The following PRKN variants were observed in gnomAD, a reference collection of about 807,000 sequenced individuals.
PRKN encodes E3 ubiquitin-protein ligase parkin.
A neutral mutation model predicts 59.5 loss-of-function variants in PRKN; 56 were observed. The observed-to-expected ratio is 0.94, with a 90% CI of 0.76 to 1.18. The LOEUF (loss-of-function observed/expected upper bound fraction) is 1.18, where lower values mean the gene tolerates loss of function less well. PRKN is among the 50% of genes most tolerant of loss of function. The pLI is 0.00. For synonymous variants in PRKN, 250 were observed against 222.1 expected (o/e 1.13, Z -1.12); for missense variants, 657 against 596.4 (o/e 1.10, Z -1.06).
rs1017355820 is a variant in PRKN at position 161,634,266 on chromosome 6, G to A, written c.872-64850C>T. On this transcript the variant is annotated intron_variant, in intron 7 of 11. Coordinates refer to ENST00000366898, the MANE Select transcript of PRKN (RefSeq NM_004562.3). ...AGAATAGTAGACACCCCTGGTGAGC[G>A]TCCCCGCAGATGGGCTCAGTCCCCC... Among the ~76,000 whole-genome samples the A allele has an allele frequency of 2.9e-4, 44 of 152,258 alleles. 1 individual carries two copies. In the Middle Eastern group the frequency reaches 0.01, roughly 35 times the overall value.
chr6:162,189,547 A>G (rs1440038659), intron 4 of PRKN, among the ~76,000 whole-genome samples: 2 of 151,532 alleles, frequency 1.3e-5, no homozygotes, highest in Non-Finnish European at 2.9e-5. Flanking sequence ...AATAGTAATA[A>G]GAATAAAAAT....
intron 1 of PRKN, among the ~76,000 whole-genome samples, chr6:162,471,626 T>C (rs1791754332): frequency 6.6e-6 from 1 of 152,220 alleles, no homozygotes; most frequent in Non-Finnish European, 1.5e-5. Context: ...TTCTGAGTTT[T>C]TACACATTAA....
At chr6:161,849,150 C>T (rs916066582) in intron 6 of PRKN, among the ~76,000 whole-genome samples, 5 of 152,120 alleles carry the variant, frequency 3.3e-5, no homozygotes, top group African/African-American at 1.2e-4. Context: ...TCTCTACCTC[C>T]TCTTCCTTCT....
intron 7 of PRKN, among the ~76,000 whole-genome samples, chr6:161,745,046 G>A (rs1788357969): frequency 6.6e-6 from 1 of 152,162 alleles, no homozygotes; most frequent in Non-Finnish European, 1.5e-5. Context: ...AAGCAATGGA[G>A]CAGGATTGGA....
At chr6:161,710,082 C>T (rs1786674329) in intron 7 of PRKN, among the ~76,000 whole-genome samples, 1 of 149,956 alleles carries the variant, frequency 6.7e-6, no homozygotes. Context: ...ATATATTTGA[C>T]AACCAAAAAT....
chr6:162,530,888 C>T (rs1305525097), intron 1 of PRKN, among the ~76,000 whole-genome samples: 1 of 150,870 alleles, frequency 6.6e-6, no homozygotes, highest in African/African-American at 2.4e-5. Flanking sequence ...GAAACCCTGT[C>T]TCTACTAAAA....
In PRKN at chr6:161,560,250, A is replaced by G. The variant is rs1780408024; in HGVS notation, c.933+9105T>C. Among the ~76,000 whole-genome samples, 1 of 152,138 alleles carries G rather than the reference A, an allele frequency of 6.6e-6. No homozygotes were observed. Among genetic ancestry groups the G allele is most frequent in the Non-Finnish European group, 1.5e-5 (1 of 68,032 alleles). On this transcript the variant is annotated intron_variant, in intron 8 of 11. Transcript: ENST00000366898. The surrounding 1 kb of genome is among the most constrained non-coding windows in gnomAD (Gnocchi z 4.9). The stretch of plus-strand genomic sequence containing the variant: ...TTGAAAGGTTTCCCTGTCCACACTG[A>G]CTTAACTGAAACTGATCCATCTCCC...
At chr6:162,354,692 T>C (rs1461015769) in intron 2 of PRKN, among the ~76,000 whole-genome samples, 1 of 152,034 alleles carries the variant, frequency 6.6e-6, no homozygotes, top group Non-Finnish European at 1.5e-5. Context: ...ATATTTTCAG[T>C]TCCTTCCTCC....
At chr6:161,773,167 G>T (rs1789766562) in intron 7 of PRKN, among the ~76,000 whole-genome samples, 1 of 152,056 alleles carries the variant, frequency 6.6e-6, no homozygotes, top group Non-Finnish European at 1.5e-5. Flanking sequence ...TGGTTACAGA[G>T]GTTTTCTATA....
intron 1 of PRKN, among the ~76,000 whole-genome samples, chr6:162,692,794 A>G (rs894442573): frequency 6.6e-6 from 1 of 152,220 alleles, no homozygotes; most frequent in African/African-American, 2.4e-5. Context: ...ATATTAAGCC[A>G]TAACTGTGTG....
At chr6:161,496,504 G>T (rs979457897) in intron 9 of PRKN, among the ~76,000 whole-genome samples, 1 of 152,218 alleles carries the variant, frequency 6.6e-6, no homozygotes, top group Non-Finnish European at 1.5e-5. Flanking sequence ...AGGAGCAAAG[G>T]CACGTCTTAC....
rs543436158 is a variant in PRKN, at chr6:161,379,958, A to G, written c.1167+6836T>C. Reference sequence around the variant, plus strand: ...CGAAAGCACCCATCTGATGACGTCAATCTTTAAAAAATCTCCAGATGCCTT... The same window carrying G: ...CGAAAGCACCCATCTGATGACGTCAGTCTTTAAAAAATCTCCAGATGCCTT... On this transcript the variant is annotated intron_variant, in intron 10 of 11. Transcript: ENST00000366898. This position sits in a 1 kb window ranked among gnomAD's most constrained non-coding sequence, Gnocchi z 4.9. Among the ~76,000 whole-genome samples the G allele has an allele frequency of 2.6e-5, 4 of 152,326 alleles. No homozygotes were observed. In the South Asian group the frequency reaches 8.3e-4, roughly 32 times the overall value.
intron 2 of PRKN, among the ~76,000 whole-genome samples, chr6:162,386,690 AT>A (rs1786833707): frequency 1.3e-5 from 2 of 152,226 alleles, no homozygotes; most frequent in African/African-American, 4.8e-5. Context: ...ACGTGTGCAC[AT>A]ATGTGCGTGT....
At chr6:162,388,693 T>C (rs963406680) in intron 2 of PRKN, among the ~76,000 whole-genome samples, 2 of 152,110 alleles carry the variant, frequency 1.3e-5, no homozygotes, top group Non-Finnish European at 2.9e-5. Context: ...CGTACTGTGC[T>C]CGGGGAGGGA....
At chr6:161,757,377 T>C (rs1382478927) in intron 7 of PRKN, among the ~76,000 whole-genome samples, 1 of 152,198 alleles carries the variant, frequency 6.6e-6, no homozygotes, top group Non-Finnish European at 1.5e-5. Flanking sequence ...AATTCTTACA[T>C]TTTTATAGTA....
intron 4 of PRKN, among the ~76,000 whole-genome samples, chr6:162,180,296 T>C (rs1417008487): frequency 2.0e-5 from 3 of 152,112 alleles, no homozygotes; most frequent in Admixed American, 6.5e-5. Context: ...AAGAGCGTAA[T>C]TGCATTGTGT....
chr6:162,583,345 G>C (rs1780863667), intron 1 of PRKN, among the ~76,000 whole-genome samples: 2 of 152,228 alleles, frequency 1.3e-5, no homozygotes, highest in Admixed American at 6.5e-5. Flanking sequence ...ATAGGGTTTA[G>C]AGTTAGCTTC....
intron 5 of PRKN, among the ~76,000 whole-genome samples, chr6:162,007,770 A>G (rs1562453287): frequency 6.6e-6 from 1 of 152,192 alleles, no homozygotes; most frequent in South Asian, 2.1e-4. Context: ...TTCCAAATCA[A>G]TTCGAATTTA....
intron 7 of PRKN, among the ~76,000 whole-genome samples, chr6:161,678,586 T>A (rs1408129316): frequency 6.7e-6 from 1 of 149,516 alleles, no homozygotes; most frequent in Non-Finnish European, 1.5e-5. Context: ...TTTTTTTTTT[T>A]TTTGAGACAG....
Sources: allele counts gnomAD v4.1 joint callset (sites outside exome capture counted in the v4.1 genomes callset), GRCh38; gene constraint gnomAD v4.1.1; non-coding constraint Gnocchi (gnomAD v3.1); transcripts MANE v1.5; gene names NCBI Gene and HGNC (gene_info 2026-07-23, HGNC 2026-07-21).